ERI3: variants seen among roughly 807,000 people sequenced by gnomAD.
ERI3 encodes ERI1 exoribonuclease 3.
ERI3 carries 18 observed loss-of-function variants against 44.4 expected under a neutral mutation model. The ratio of observed to expected loss-of-function variants is 0.41; its 90% confidence interval spans 0.28 to 0.60. The LOEUF (loss-of-function observed/expected upper bound fraction) is 0.60. Among genes scored for constraint, ERI3 ranks in the 20% least tolerant of loss-of-function variants. ERI3 has a pLI of 0.36. For synonymous variants in ERI3, 183 were observed against 164.8 expected, an observed-to-expected ratio of 1.11 and a Z score of -0.84; for missense variants, 294 against 435.5, an observed-to-expected ratio of 0.68 and a Z score of 2.89.
At chr1:44,254,462 T>C (rs973708237) in intron 7 of ERI3, among the ~76,000 whole-genome samples, 1 of 152,174 alleles carries the variant, frequency 6.6e-6, no homozygotes, top group Non-Finnish European at 1.5e-5. Flanking sequence ...GCCTGAACCC[T>C]TGAATCTATC....
At chr1:44,343,887 T>C (rs1428692080) in intron 2 of ERI3, among the ~76,000 whole-genome samples, 1 of 152,184 alleles carries the variant, frequency 6.6e-6, no homozygotes, top group Non-Finnish European at 1.5e-5. Context: ...AAATTCTTTC[T>C]ACTGTACTTA....
At chr1:44,300,975 T>C (rs921636343) in intron 6 of ERI3, among the ~76,000 whole-genome samples, 7 of 144,942 alleles carry the variant, frequency 4.8e-5, no homozygotes, top group South Asian at 2.4e-4. Flanking sequence ...CCACAATGAA[T>C]GGCCCTCTCT....
chr1:44,344,374 C>A (rs1463686073), intron 2 of ERI3, among the ~76,000 whole-genome samples: 1 of 152,210 alleles, frequency 6.6e-6, no homozygotes, highest in South Asian at 2.1e-4. Context: ...CCCTGTAATG[C>A]CCACAGAAGG....
chr1:44,317,544 G>A (rs965844307), intron 4 of ERI3, among the ~76,000 whole-genome samples: 2 of 150,240 alleles, frequency 1.3e-5, no homozygotes, highest in Non-Finnish European at 2.9e-5. Flanking sequence ...TAAGGGACAC[G>A]TATCAAGTGT....
rs538450100 is a variant in ERI3 at position 44,224,777 on chromosome 1, T to C, written c.932-3137A>G. Among the ~76,000 whole-genome samples, 33 of 152,240 alleles carry C rather than the reference T, an allele frequency of 2.2e-4. No homozygotes were observed. In the East Asian group the frequency reaches 5.8e-3, roughly 27 times the overall value. On this transcript the variant is annotated intron_variant, in intron 8 of 8. Coordinates refer to ENST00000372257, the MANE Select transcript of ERI3 (RefSeq NM_024066.3). ...CTGACTTCAGATCCTGTTTACTGGG[T>C]ATTTCTGGGGTCTAACTTGTTGCAA...
chr1:44,321,210 G>A (rs1382960095), intron 3 of ERI3, among the ~76,000 whole-genome samples: 2 of 152,126 alleles, frequency 1.3e-5, no homozygotes, highest in Non-Finnish European at 2.9e-5. Flanking sequence ...CATCAGGACC[G>A]AAAACCAAAT....
At chr1:44,246,961 C>G (rs1286009738) in intron 8 of ERI3, among the ~76,000 whole-genome samples, 1 of 152,186 alleles carries the variant, frequency 6.6e-6, no homozygotes, top group Non-Finnish European at 1.5e-5. Context: ...CCCAGAGATA[C>G]TCTGGCTCCT....
At position 44,221,090 on chromosome 1, in the gene ERI3, G is replaced by C. The variant is rs1643890815; in HGVS notation, c.*468C>G. The stretch of plus-strand genomic sequence containing the variant: ...ACAGATGGCTTTGCACACACACCCA[G>C]TGCCTCGTTTCCCCGACTTTATTCA... On this transcript the variant is annotated 3_prime_UTR_variant, in exon 9 of 9. Transcript: ENST00000372257. The surrounding 1 kb of genome is among the most constrained non-coding windows in gnomAD (Gnocchi z 5.9). 3.7e-6 allele frequency: 1 copy of C among 271,808 alleles called. No homozygotes were observed. The highest frequency in any genetic ancestry group is 4.6e-5 in the South Asian group (1 of 21,670). The allele number at this position is 271,808 out of a possible 1,614,324, so 16.8% of individuals were successfully genotyped here.
Position 44,221,492 on chromosome 1 carries a change from G to C in ERI3, c.*66C>G. On this transcript the variant is annotated 3_prime_UTR_variant, in exon 9 of 9. Coordinates refer to ENST00000372257, the MANE Select transcript of ERI3 (RefSeq NM_024066.3). The surrounding 1 kb of genome is among the most constrained non-coding windows in gnomAD (Gnocchi z 5.9). ...CACTCTCCCTCTTCCCCTCTGGTGA[G>C]GGAGAGGAGGATTCTGGGCTGGGCC... The C allele has an allele frequency of 7.7e-7, 1 of 1,295,360 alleles. No individual in the cohort carries two copies. Among genetic ancestry groups the C allele is most frequent in the Non-Finnish European group, 1.1e-6 (1 of 892,310 alleles). The allele number at this position is 1,295,360 out of a possible 1,614,324, so 80.2% of individuals were successfully genotyped here. A position where few individuals can be genotyped will look rare whatever the true frequency, so the allele number is the denominator to read the frequency against.
intron 3 of ERI3, among the ~76,000 whole-genome samples, chr1:44,324,557 C>T (rs1405355550): frequency 6.8e-6 from 1 of 145,986 alleles, no homozygotes; most frequent in Non-Finnish European, 1.5e-5. Flanking sequence ...TCTTGGCTCA[C>T]TGCAAGCTCT....
At position 44,316,087 on chromosome 1, in the gene ERI3, T is replaced by C. The variant is rs13352995; in HGVS notation, c.607-2859A>G. ...AGGATGCTATGAGGGAACGAGACAA[T>C]TTTATCAAATTAATACTGGGAAGTT... On this transcript the variant is annotated intron_variant, in intron 4 of 8. Transcript: ENST00000372257. 5.4e-3 allele frequency among the ~76,000 whole-genome samples: 823 copies of C among 152,184 alleles called. 6 individuals are homozygous for C. The highest frequency in any genetic ancestry group is 0.019 in the African/African-American group (777 of 41,496).
intron 8 of ERI3, among the ~76,000 whole-genome samples, chr1:44,232,465 T>A (rs1307554475): frequency 6.6e-6 from 1 of 152,212 alleles, no homozygotes; most frequent in Non-Finnish European, 1.5e-5. Flanking sequence ...AGAAAGGCAT[T>A]CTATGAGTAT....
rs767541403 is a variant in ERI3 at position 44,221,647 on chromosome 1, A to T, written c.932-7T>A. The T allele has an allele frequency of 9.3e-6, 15 of 1,612,410 alleles. No homozygotes were observed. The South Asian group carries it at 1.5e-4, about 17-fold the overall frequency. ...GCAATGTTCTTGCAGTCGTCTAAAA[A>T]GGAGAGAAGACATTTAGATCAGCCC... On this transcript the variant is annotated splice_region_variant and splice_polypyrimidine_tract_variant and intron_variant, in intron 8 of 8. Transcript: ENST00000372257. This position sits in a 1 kb window ranked among gnomAD's most constrained non-coding sequence, Gnocchi z 5.9.
intron 8 of ERI3, among the ~76,000 whole-genome samples, chr1:44,231,273 T>TAAC (rs534826145): frequency 2.6e-3 from 395 of 152,352 alleles, no homozygotes; most frequent in African/African-American, 8.9e-3. Flanking sequence ...TATGGATGCC[T>TAAC]AACCTGTCTG....
Position 44,319,462 on chromosome 1 carries a change from C to T in ERI3, c.606+166G>A, listed in dbSNP as rs535425067. On this transcript the variant is annotated intron_variant, in intron 4 of 8. Coordinates refer to ENST00000372257, the MANE Select transcript of ERI3 (RefSeq NM_024066.3). The stretch of plus-strand genomic sequence containing the variant: ...CCTGGGTCCCCAGTAACAACAGTGA[C>T]CTGAGTGGAGTGGCAGACTTCATAA... 5.3e-5 allele frequency among the ~76,000 whole-genome samples: 8 copies of T among 152,354 alleles called. No homozygotes were observed. In the South Asian group the frequency reaches 1.4e-3, roughly 28 times the overall value.
intron 3 of ERI3, among the ~76,000 whole-genome samples, chr1:44,335,214 A>C (rs1294974396): frequency 6.6e-6 from 1 of 152,156 alleles, no homozygotes; most frequent in Non-Finnish European, 1.5e-5. Context: ...ATGATGGAGC[A>C]TACCCATAGT....
At chr1:44,275,217 G>A (rs1219792656) in intron 7 of ERI3, among the ~76,000 whole-genome samples, 2 of 152,054 alleles carry the variant, frequency 1.3e-5, no homozygotes, top group African/African-American at 4.8e-5. Context: ...AGCTCTGTGG[G>A]CAGCACCTTG....
At chr1:44,294,314 A>G (rs538701773) in intron 6 of ERI3, among the ~76,000 whole-genome samples, 1 of 152,222 alleles carries the variant, frequency 6.6e-6, no homozygotes, top group Non-Finnish European at 1.5e-5. Context: ...AAAGTCTCCA[A>G]AAGACACTGT....
chr1:44,340,053 C>T (rs980536019), intron 2 of ERI3, among the ~76,000 whole-genome samples: 15 of 149,786 alleles, frequency 1.0e-4, no homozygotes, highest in Middle Eastern at 3.5e-3. Flanking sequence ...TGAATGACTG[C>T]GGGACTTTTT....
Sources: gnomAD v4.1 joint callset for allele counts (sites outside exome capture counted in the v4.1 genomes callset) on GRCh38, gnomAD v4.1.1 for gene constraint, Gnocchi (gnomAD v3.1) non-coding constraint, MANE v1.5 for transcripts, NCBI Gene and HGNC (gene_info 2026-07-23, HGNC 2026-07-21) for gene names.